Variants in CNTN4 observed in about 807,000 individuals in gnomAD.
CNTN4 encodes the protein contactin-4.
A neutral mutation model predicts 122.5 loss-of-function variants in CNTN4; 77 were observed. The observed-to-expected ratio is 0.63, with a 90% CI of 0.52 to 0.76. CNTN4 has a LOEUF of 0.76. CNTN4 is among the 30% of genes least tolerant of loss of function. The pLI is 0.00. For missense variants in CNTN4, 1,256 were observed against 1,259.1 expected (o/e 1.00, Z 0.04); for synonymous variants, 512 against 447.0 (o/e 1.15, Z -1.83).
intron 4 of CNTN4, among the ~76,000 whole-genome samples, chr3:2,654,223 C>A (rs2150222280): frequency 6.6e-6 from 1 of 152,270 alleles, no homozygotes; most frequent in Non-Finnish European, 1.5e-5. Context: ...GTTTTTTTGA[C>A]CACCTTGGCA....
At chr3:2,149,520 C>G (rs1339745249) in intron 2 of CNTN4, among the ~76,000 whole-genome samples, 3 of 152,156 alleles carry the variant, frequency 2.0e-5, no homozygotes. Flanking sequence ...TGGAGACCTT[C>G]ATAGTTAGAA....
intron 2 of CNTN4, chr3:2,262,474 G>T (rs2040872584): frequency 6.6e-6 from 1 of 151,966 alleles, no homozygotes; most frequent in African/African-American, 2.4e-5. Flanking sequence ...AAAGAAGAGT[G>T]GATTTTATAA....
intron 4 of CNTN4, among the ~76,000 whole-genome samples, chr3:2,716,140 C>G (rs1228425321): frequency 6.6e-6 from 1 of 151,912 alleles, no homozygotes; most frequent in Non-Finnish European, 1.5e-5. Flanking sequence ...ACTTTCTTCA[C>G]TTTTTATAGA....
At chr3:2,264,374 T>C (rs1446439385) in intron 2 of CNTN4, among the ~76,000 whole-genome samples, 4 of 152,130 alleles carry the variant, frequency 2.6e-5, no homozygotes, top group Admixed American at 6.6e-5. Context: ...GTTAGTGATA[T>C]TGAAAATTTT....
At chr3:2,453,622 G>C (rs985682596) in intron 3 of CNTN4, among the ~76,000 whole-genome samples, 1 of 152,080 alleles carries the variant, frequency 6.6e-6, no homozygotes, top group Non-Finnish European at 1.5e-5. Flanking sequence ...CCTACTTCAT[G>C]CTCTTTTAAC....
Position 2,303,549 on chromosome 3 carries a change from T to C in CNTN4, c.-144-35629T>C, listed in dbSNP as rs141165051. On this transcript the variant is annotated intron_variant, in intron 2 of 24. Coordinates refer to ENST00000418658, the MANE Select transcript of CNTN4 (RefSeq NM_175607.3). ...ATTTCTTTTTATTGCAGAAAAATAT[T>C]ACATTGTATGGATATACCACATTTT... Among the ~76,000 whole-genome samples the C allele has an allele frequency of 3.0e-3, 459 of 152,372 alleles. 2 individuals are homozygous for C. The highest frequency in any genetic ancestry group is 0.01 in the Middle Eastern group (3 of 294).
At chr3:2,943,884 A>T (rs781086967) in intron 13 of CNTN4, among the ~76,000 whole-genome samples, 70 of 151,844 alleles carry the variant, frequency 4.6e-4, no homozygotes, top group Non-Finnish European at 8.1e-4. Flanking sequence ...GGCTGGTAAT[A>T]TTTATAATGG....
intron 12 of CNTN4, among the ~76,000 whole-genome samples, chr3:2,907,862 T>G (rs2094254694): frequency 6.6e-6 from 1 of 152,244 alleles, no homozygotes; most frequent in African/African-American, 2.4e-5. Context: ...CTGGGTGATT[T>G]ACTCACTGGA....
chr3:2,233,795 C>T (rs1426198382), intron 2 of CNTN4, among the ~76,000 whole-genome samples: 1 of 152,170 alleles, frequency 6.6e-6, no homozygotes, highest in Admixed American at 6.5e-5. Context: ...TAAGTAAAGA[C>T]TTTTCTAAGA....
At chr3:2,374,120 G>C (rs992710680) in intron 3 of CNTN4, among the ~76,000 whole-genome samples, 1 of 152,140 alleles carries the variant, frequency 6.6e-6, no homozygotes, top group Non-Finnish European at 1.5e-5. Context: ...TGCAAGTGCT[G>C]ATCTAACTCA....
intron 4 of CNTN4, among the ~76,000 whole-genome samples, chr3:2,628,815 CA>C (rs1379693950): frequency 6.6e-6 from 1 of 152,154 alleles, no homozygotes; most frequent in African/African-American, 2.4e-5. Context: ...GGTTTTTAAT[CA>C]CAAAATTATT....
At chr3:2,377,733 A>G (rs564203663) in intron 3 of CNTN4, among the ~76,000 whole-genome samples, 1 of 152,136 alleles carries the variant, frequency 6.6e-6, no homozygotes, top group Admixed American at 6.5e-5. Flanking sequence ...GCAGCCCAGT[A>G]TAAATTTGTA....
At chr3:2,290,072 G>A (rs1356254725) in intron 2 of CNTN4, among the ~76,000 whole-genome samples, 1 of 152,058 alleles carries the variant, frequency 6.6e-6, no homozygotes, top group Non-Finnish European at 1.5e-5. Flanking sequence ...CTAACACGAT[G>A]GAGTAACAGG....
chr3:2,180,600 C>T (rs1467507880), intron 2 of CNTN4, among the ~76,000 whole-genome samples: 2 of 152,006 alleles, frequency 1.3e-5, no homozygotes, highest in Non-Finnish European at 2.9e-5. Flanking sequence ...CCTGACCTTC[C>T]TTATCCATGT....
chr3:2,703,833 A>T (rs191301126), intron 4 of CNTN4, among the ~76,000 whole-genome samples: 1 of 152,140 alleles, frequency 6.6e-6, no homozygotes, highest in African/African-American at 2.4e-5. Flanking sequence ...ACCAAAAAAA[A>T]TGAAAATAAA....
At chr3:3,011,648 A>G (rs1264221100) in intron 14 of CNTN4, among the ~76,000 whole-genome samples, 1 of 152,124 alleles carries the variant, frequency 6.6e-6, no homozygotes, top group Non-Finnish European at 1.5e-5. Flanking sequence ...TGTTTTGAGC[A>G]TTTGTTACCA....
chr3:2,667,850 T>A (rs935865639), intron 4 of CNTN4, among the ~76,000 whole-genome samples: 17 of 152,082 alleles, frequency 1.1e-4, no homozygotes, highest in Non-Finnish European at 2.5e-4. Flanking sequence ...AAACAGGGAA[T>A]CCTTTGCCCA....
At chr3:2,340,590 G>A (rs1001502042) in intron 3 of CNTN4, among the ~76,000 whole-genome samples, 1 of 150,342 alleles carries the variant, frequency 6.7e-6, no homozygotes, top group Admixed American at 6.7e-5. Flanking sequence ...TGAAGCGAAA[G>A]GATCACTTGG....
chr3:2,302,352 C>T (rs949191624), intron 2 of CNTN4, among the ~76,000 whole-genome samples: 1 of 152,138 alleles, frequency 6.6e-6, no homozygotes, highest in Non-Finnish European at 1.5e-5. Flanking sequence ...CACTTGAACC[C>T]AGGAGGTGGA....
Sources: gnomAD v4.1 joint callset for allele counts (sites outside exome capture counted in the v4.1 genomes callset) on GRCh38, gnomAD v4.1.1 for gene constraint, MANE v1.5 for transcripts, NCBI Gene and HGNC (gene_info 2026-07-23, HGNC 2026-07-21) for gene names.